Variants in CUX2 observed in about 807,000 individuals in gnomAD.
The protein encoded by CUX2 is homeobox protein cut-like 2.
In CUX2, 40 loss-of-function variants were observed where a neutral mutation model predicts 144.8. That is an observed-to-expected ratio of 0.28 (90% CI 0.21 to 0.36). CUX2 has a LOEUF of 0.36. CUX2 is among the 10% of genes least tolerant of loss of function. The probability of loss-of-function intolerance (pLI) is 1.00; values close to 1 mark genes in which losing one functional copy is unlikely to be tolerated. For synonymous variants in CUX2, 827 were observed against 875.6 expected (o/e 0.94, Z 0.98); for missense variants, 1,615 against 1,994.0 (o/e 0.81, Z 3.62).
In CUX2 at chr12:111,282,697, TG is replaced by T. The variant is rs537096454; in HGVS notation, c.302-8717del. ...ACGCAAGAAATTTACTTCCCCACGG[TG>T]GGGTAGGCTGGAAGTCCAAGATCAA... On this transcript the variant is annotated intron_variant, in intron 4 of 21. Coordinates refer to ENST00000261726, the MANE Select transcript of CUX2 (RefSeq NM_015267.4). Among the ~76,000 whole-genome samples the T allele has an allele frequency of 2.8e-3, 409 of 147,706 alleles. 2 individuals carry two copies. Among genetic ancestry groups the T allele is most frequent in the African/African-American group, 8.1e-3 (326 of 40,048 alleles).
chr12:111,223,228 A>C (rs887572085), intron 3 of CUX2, among the ~76,000 whole-genome samples: 1 of 152,190 alleles, frequency 6.6e-6, no homozygotes, highest in African/African-American at 2.4e-5. Flanking sequence ...TTCCGCATGG[A>C]ATCCTTTAAA....
intron 3 of CUX2, among the ~76,000 whole-genome samples, chr12:111,234,304 G>A (rs1211099977): frequency 6.6e-6 from 1 of 152,138 alleles, no homozygotes. Context: ...CAAATTCAGG[G>A]AGCAGCAAAG....
At chr12:111,244,092 G>A (rs1245785524) in intron 3 of CUX2, among the ~76,000 whole-genome samples, 1 of 151,284 alleles carries the variant, frequency 6.6e-6, no homozygotes, top group African/African-American at 2.4e-5. Context: ...AGCTTTTTGG[G>A]TTTTTTTTTG....
rs573845815 is a variant in CUX2 at position 111,057,991 on chromosome 12, T to A, written c.63+23751T>A. ...TTGAAATCTCTGGATAGTTTTGAAC[T>A]CTCTGTTCTTAATTAAATATGCAAT... On this transcript the variant is annotated intron_variant, in intron 1 of 21. Transcript: ENST00000261726. This position sits in a 1 kb window ranked among gnomAD's most constrained non-coding sequence, Gnocchi z 5.1. Among the ~76,000 whole-genome samples the A allele has an allele frequency of 6.6e-6, 1 of 152,344 alleles. No individual in the cohort carries two copies. The highest frequency in any genetic ancestry group is 2.4e-5 in the African/African-American group (1 of 41,576).
chr12:111,204,934 C>T (rs538786565), intron 1 of CUX2, among the ~76,000 whole-genome samples: 1 of 152,304 alleles, frequency 6.6e-6, no homozygotes, highest in South Asian at 2.1e-4. Flanking sequence ...ATCACCCTGG[C>T]CCAGCTGATA....
chr12:111,138,326 G>T (rs1876058131), intron 1 of CUX2, among the ~76,000 whole-genome samples: 1 of 152,136 alleles, frequency 6.6e-6, no homozygotes, highest in South Asian at 2.1e-4. Flanking sequence ...CCAGCACCCG[G>T]GCGCTGGGGA....
Position 111,077,689 on chromosome 12 carries a change from A to C in CUX2, c.63+43449A>C, listed in dbSNP as rs192025756. ...GCATTGTGGAGACAGGATGGAGGCCAGCTTTATTTACAAGAGTGTTTGTTT... is the reference window on the plus strand; with the variant it reads ...GCATTGTGGAGACAGGATGGAGGCCCGCTTTATTTACAAGAGTGTTTGTTT... On this transcript the variant is annotated intron_variant, in intron 1 of 21. Transcript: ENST00000261726. This position sits in a 1 kb window ranked among gnomAD's most constrained non-coding sequence, Gnocchi z 4.1. Among the ~76,000 whole-genome samples the C allele has an allele frequency of 1.2e-4, 18 of 152,318 alleles. No homozygotes were observed. Among genetic ancestry groups the C allele is most frequent in the African/African-American group, 4.3e-4 (18 of 41,574 alleles).
At chr12:111,338,211 A>G in intron 19 of CUX2, 75 bp from the exon 20 acceptor site, 1 of 1,466,508 alleles carries the variant, frequency 6.8e-7, no homozygotes. Context: ...TCTCTGGCCT[A>G]TTCCATGTCT....
At chr12:111,135,072 G>A (rs929466294) in intron 1 of CUX2, among the ~76,000 whole-genome samples, 12 of 152,150 alleles carry the variant, frequency 7.9e-5, no homozygotes, top group Non-Finnish European at 1.8e-4. Flanking sequence ...CACCTGCTGT[G>A]TGCCAGGCCC....
intron 12 of CUX2, among the ~76,000 whole-genome samples, 157 bp from the exon 13 acceptor site, chr12:111,308,128 C>T (rs1039686968): frequency 2.0e-5 from 3 of 152,212 alleles, no homozygotes; most frequent in Non-Finnish European, 4.4e-5. Context: ...GAGCCTGCTA[C>T]TTCAGGCCTG....
At chr12:111,298,307 A>G (rs1490000365) in intron 8 of CUX2, among the ~76,000 whole-genome samples, 3 of 152,224 alleles carry the variant, frequency 2.0e-5, no homozygotes, top group African/African-American at 7.2e-5. Context: ...GGTGGAGTTC[A>G]GAGAGTGGCC....
At position 111,310,610 on chromosome 12, in the gene CUX2, A is replaced by G. The variant is rs1886848842; in HGVS notation, c.1828A>G (p.Ile610Val). Reference sequence around the variant, plus strand: ...CACGGTGAAGGGCAAGGAGCCCTTCATCAAGATGAAGCAGTTCCTGTCGGA... The same window carrying G: ...CACGGTGAAGGGCAAGGAGCCCTTCGTCAAGATGAAGCAGTTCCTGTCGGA... ...KLTVKGKEPFIKMKQFLSDEQ... is the reference protein window; with the variant it reads ...KLTVKGKEPFVKMKQFLSDEQ... The change falls in exon 15 of 22, where the codon ATC becomes GTC. Residue 610 changes from isoleucine to valine, a missense_variant. Ile to Val is a conservative substitution (Grantham distance 29). This residue lies in a region of CUX2 where 71 missense variants were observed against 142.3 expected (regional missense o/e 0.50). Transcript: ENST00000261726. The surrounding 1 kb of genome is among the most constrained non-coding windows in gnomAD (Gnocchi z 7.9). 6 of 1,612,692 alleles carry G rather than the reference A, an allele frequency of 3.7e-6. No homozygotes were observed. Among genetic ancestry groups the G allele is most frequent in the Non-Finnish European group, 5.1e-6 (6 of 1,179,150 alleles).
At chr12:111,294,026 C>G (rs1237738674) in intron 6 of CUX2, among the ~76,000 whole-genome samples, 1 of 152,242 alleles carries the variant, frequency 6.6e-6, no homozygotes, top group Non-Finnish European at 1.5e-5. Context: ...GGATCTTGCT[C>G]TGTCACTCAG....
intron 1 of CUX2, among the ~76,000 whole-genome samples, chr12:111,125,133 G>T (rs1004156438): frequency 2.6e-5 from 4 of 151,972 alleles, no homozygotes; most frequent in Non-Finnish European, 2.9e-5. Flanking sequence ...TCAGCCCCTA[G>T]GAGCCACCAG....
intron 4 of CUX2, among the ~76,000 whole-genome samples, chr12:111,279,531 G>A (rs1592911726): frequency 1.3e-5 from 2 of 152,236 alleles, no homozygotes; most frequent in African/African-American, 4.8e-5. Context: ...GTCCTCAGAA[G>A]AAGAGGAGAG....
At chr12:111,247,935 C>T (rs1251509229) in intron 3 of CUX2, among the ~76,000 whole-genome samples, 5 of 152,226 alleles carry the variant, frequency 3.3e-5, no homozygotes. Context: ...GACAGAGTCT[C>T]TTGCTCTGTC....
chr12:111,268,242 A>C (rs1280297010), intron 4 of CUX2, among the ~76,000 whole-genome samples: 1 of 151,470 alleles, frequency 6.6e-6, no homozygotes, highest in Admixed American at 6.6e-5. Flanking sequence ...GTTTTTTTTA[A>C]GAGACAGGGT....
intron 1 of CUX2, among the ~76,000 whole-genome samples, chr12:111,087,377 A>G (rs1390268600): frequency 2.7e-5 from 4 of 150,500 alleles, no homozygotes; most frequent in Non-Finnish European, 5.9e-5. Context: ...AAAAAAAAAA[A>G]AAAAAAAAAA....
At chr12:111,182,958 C>T (rs942744447) in intron 1 of CUX2, among the ~76,000 whole-genome samples, 1 of 152,210 alleles carries the variant, frequency 6.6e-6, no homozygotes, top group African/African-American at 2.4e-5. Flanking sequence ...GCCCCGGATC[C>T]TGTACCAAGC....
Sources: allele counts gnomAD v4.1 joint callset (sites outside exome capture counted in the v4.1 genomes callset), GRCh38; gene constraint gnomAD v4.1.1; regional missense constraint gnomAD v4.1.1; non-coding constraint Gnocchi (gnomAD v3.1); transcripts MANE v1.5; gene names NCBI Gene and HGNC (gene_info 2026-07-23, HGNC 2026-07-21).